The following OR3A2 variants were observed in gnomAD, a reference collection of about 807,000 sequenced individuals.
The protein encoded by OR3A2 is olfactory receptor family 3 subfamily A member 2, also known as olfactory receptor 3A2.
For missense variants in OR3A2, 318 were observed against 392.8 expected (o/e 0.81, Z 1.61); for synonymous variants, 126 against 159.3 (o/e 0.79, Z 1.57).
intron 3 of OR3A2, among the ~76,000 whole-genome samples, chr17:3,325,257 G>A (rs1263755291): frequency 7.2e-6 from 1 of 138,388 alleles, no homozygotes; most frequent in African/African-American, 2.8e-5. Flanking sequence ...CGCCCAGACT[G>A]GGAGTGCAGT....
At chr17:3,280,075 T>C (rs1427651490) in intron 1 of OR3A2, among the ~76,000 whole-genome samples, 4 of 152,320 alleles carry the variant, frequency 2.6e-5, no homozygotes, top group Admixed American at 2.6e-4. Flanking sequence ...TATTATCTGC[T>C]ATTCCTCTCT....
intron 2 of OR3A2, among the ~76,000 whole-genome samples, chr17:3,342,218 T>A (rs531499345): frequency 1.3e-5 from 2 of 152,226 alleles, no homozygotes; most frequent in Admixed American, 1.3e-4. Context: ...AACACCCTCC[T>A]TTAGCTCAGA....
At chr17:3,276,381 C>T (rs1029201777), downstream of OR3A2, among the ~76,000 whole-genome samples, 2 of 152,134 alleles carry the variant, frequency 1.3e-5, no homozygotes, top group Admixed American at 6.5e-5. Context: ...TACAGGAAAT[C>T]GCTAGAGGAA....
At chr17:3,337,581 A>G (rs1440844734) in intron 2 of OR3A2, among the ~76,000 whole-genome samples, 2 of 152,100 alleles carry the variant, frequency 1.3e-5, no homozygotes, top group Admixed American at 6.5e-5. Context: ...AGCTTCATCC[A>G]TGTCCTTACA....
chr17:3,310,828 GC>G, intron 3 of OR3A2: 1 of 996,744 alleles, frequency 1.0e-6, no homozygotes, highest in Non-Finnish European at 1.5e-6. Flanking sequence ...AACTTCTGTG[GC>G]CCCAATGTGA....
At position 3,372,228 on chromosome 17, in the gene OR3A2, C is replaced by T. The variant is rs1268412600; in HGVS notation, c.-179+11576G>A. Among the ~76,000 whole-genome samples, 13 of 148,716 alleles carry T rather than the reference C, an allele frequency of 8.7e-5. No individual in the cohort carries two copies. In the South Asian group the frequency reaches 1.1e-3, roughly 13 times the overall value. The stretch of plus-strand genomic sequence containing the variant: ...CGCTCCCCACATCTCAGACGATGGG[C>T]GGCCGGGCAGAGATGCTCCTCACTT... On this transcript the variant is annotated intron_variant, in intron 2 of 4. Coordinates refer to the OR3A2 transcript ENST00000573491.
upstream of OR3A2, among the ~76,000 whole-genome samples, chr17:3,286,148 G>A (rs1161982147): frequency 2.0e-5 from 3 of 152,016 alleles, no homozygotes; most frequent in Non-Finnish European, 4.4e-5. Flanking sequence ...TCCCACTTAT[G>A]AGTGAGAACA....
chr17:3,293,973 C>A (rs1248846910), intron 3 of OR3A2, among the ~76,000 whole-genome samples: 2 of 151,834 alleles, frequency 1.3e-5, no homozygotes, highest in East Asian at 1.9e-4. Context: ...GTGGCCAGGG[C>A]GAGAACATTA....
chr17:3,381,370 C>G (rs183611942), intron 2 of OR3A2, among the ~76,000 whole-genome samples: 1 of 150,566 alleles, frequency 6.6e-6, no homozygotes, highest in East Asian at 2.0e-4. Context: ...CCTCATTTTG[C>G]GACCTTAAAT....
upstream of OR3A2, among the ~76,000 whole-genome samples, chr17:3,285,922 CTT>C (rs2048806469): frequency 1.3e-5 from 2 of 152,160 alleles, no homozygotes; most frequent in African/African-American, 4.8e-5. Context: ...TAGATTTTCT[CTT>C]TTTAAATATA....
At chr17:3,369,316 G>T (rs150382368) in intron 2 of OR3A2, among the ~76,000 whole-genome samples, 22 of 152,292 alleles carry the variant, frequency 1.4e-4, no homozygotes, top group African/African-American at 4.8e-4. Context: ...TCTTGTTCCA[G>T]TTCTCAGGGG....
At position 3,311,580 on chromosome 17, in the gene OR3A2, T is replaced by A; in HGVS notation, c.-85+24453A>T. On this transcript the variant is annotated intron_variant, in intron 3 of 4. Coordinates refer to the OR3A2 transcript ENST00000573491. This position sits in a 1 kb window ranked among gnomAD's most constrained non-coding sequence, Gnocchi z 4.6. ...TCTCTTGCTCCAGCATCCACCTCAA[T>A]GGGCAGCTGCTGCTTGTGGGGGCCA... 4.8e-6 allele frequency: 2 copies of A among 413,656 alleles called. No homozygotes were observed. Among genetic ancestry groups the A allele is most frequent in the Non-Finnish European group, 9.8e-6 (2 of 204,320 alleles). 25.6% of individuals were successfully genotyped at this position (413,656 alleles called of 1,614,324 possible). A position where few individuals can be genotyped will look rare whatever the true frequency, so the allele number is the denominator to read the frequency against.
At chr17:3,292,699 C>T in intron 3 of OR3A2, 1 of 866,916 alleles carries the variant, frequency 1.2e-6, no homozygotes, top group Admixed American at 2.9e-5. Flanking sequence ...CACGTTCCCT[C>T]TGTACAAGTA....
chr17:3,376,831 G>C (rs895108187), intron 2 of OR3A2, among the ~76,000 whole-genome samples: 3 of 152,124 alleles, frequency 2.0e-5, no homozygotes, highest in African/African-American at 4.8e-5. Context: ...CCTTTCCCAA[G>C]GATCCCTGTG....
chr17:3,371,239 C>A (rs1339134782), intron 2 of OR3A2, among the ~76,000 whole-genome samples: 1 of 150,410 alleles, frequency 6.6e-6, no homozygotes, highest in Non-Finnish European at 1.5e-5. Context: ...GCTGGCCAGG[C>A]GAGGGGCTGA....
chr17:3,290,470 T>C (rs572406488), intron 3 of OR3A2, among the ~76,000 whole-genome samples: 1 of 152,308 alleles, frequency 6.6e-6, no homozygotes, highest in Non-Finnish European at 1.5e-5. Context: ...TTCCCTCTTT[T>C]GTGTCTTTTC....
chr17:3,290,757 C>T (rs949548572), intron 3 of OR3A2, among the ~76,000 whole-genome samples: 1 of 147,574 alleles, frequency 6.8e-6, no homozygotes, highest in Non-Finnish European at 1.5e-5. Flanking sequence ...AGGGTGACTC[C>T]TCACCATATG....
intron 2 of OR3A2, among the ~76,000 whole-genome samples, chr17:3,383,042 G>C (rs1272834646): frequency 6.6e-6 from 1 of 152,190 alleles, no homozygotes; most frequent in East Asian, 1.9e-4. Context: ...ACAAAGCAGA[G>C]AGTGACCAGA....
intron 3 of OR3A2, chr17:3,291,683 C>A (rs2048868569): frequency 6.2e-7 from 1 of 1,610,082 alleles, no homozygotes; most frequent in Non-Finnish European, 8.5e-7. Flanking sequence ...TGGCACTCTG[C>A]ACATCAGGGT....
Sources: allele counts gnomAD v4.1 joint callset (sites outside exome capture counted in the v4.1 genomes callset), GRCh38; gene constraint gnomAD v4.1.1; non-coding constraint Gnocchi (gnomAD v3.1); transcripts MANE v1.5; gene names NCBI Gene and HGNC (gene_info 2026-07-23, HGNC 2026-07-21).